RUNX1: variants seen among roughly 807,000 people sequenced by gnomAD.
RUNX1 encodes the protein runt-related transcription factor 1.
In RUNX1, 19 loss-of-function variants were observed where a neutral mutation model predicts 42.8. The observed-to-expected ratio is 0.44, with a 90% CI of 0.31 to 0.65. The LOEUF is 0.65. Among genes scored for constraint, RUNX1 ranks in the 30% least tolerant of loss-of-function variants. The pLI is 0.07. For synonymous variants in RUNX1, 271 were observed against 289.4 expected (o/e 0.94, Z 0.64); for missense variants, 528 against 672.0 (o/e 0.79, Z 2.37).
chr21:35,003,369 T>C (rs916822060), intron 2 of RUNX1, among the ~76,000 whole-genome samples: 2 of 152,018 alleles, frequency 1.3e-5, no homozygotes, highest in East Asian at 1.9e-4. Flanking sequence ...TGCATGTGAG[T>C]AACAAGGACG....
intron 2 of RUNX1, among the ~76,000 whole-genome samples, chr21:34,990,251 T>A (rs2058926650): frequency 6.6e-6 from 1 of 152,206 alleles, no homozygotes; most frequent in African/African-American, 2.4e-5. Flanking sequence ...GGAAGATTCT[T>A]TTTAAAACCA....
intron 3 of RUNX1, among the ~76,000 whole-genome samples, chr21:34,891,336 T>TCG (rs2146447927): frequency 6.6e-6 from 1 of 152,308 alleles, no homozygotes; most frequent in Admixed American, 6.5e-5. Flanking sequence ...CTCGATGGGA[T>TCG]CGCGGGACAT....
At chr21:34,826,158 A>G (rs980934713) in intron 7 of RUNX1, among the ~76,000 whole-genome samples, 3 of 152,242 alleles carry the variant, frequency 2.0e-5, no homozygotes, top group African/African-American at 7.2e-5. Context: ...GGAAACTTAG[A>G]TCCCACTGTG....
intron 2 of RUNX1, among the ~76,000 whole-genome samples, chr21:35,042,822 A>G (rs745610333): frequency 3.6e-4 from 55 of 152,220 alleles, no homozygotes; most frequent in Non-Finnish European, 6.6e-4. Context: ...GCAGCCAAAC[A>G]TAATTTTCAT....
intron 2 of RUNX1, among the ~76,000 whole-genome samples, chr21:35,005,534 C>T (rs1186035775): frequency 6.6e-6 from 1 of 152,156 alleles, no homozygotes; most frequent in East Asian, 1.9e-4. Context: ...GTTTTCCAGA[C>T]ATACTATATG....
At chr21:34,805,469 TAG>T (rs1222999328) in intron 7 of RUNX1, among the ~76,000 whole-genome samples, 3 of 152,150 alleles carry the variant, frequency 2.0e-5, no homozygotes, top group East Asian at 1.9e-4. Context: ...TGAAAGAAGC[TAG>T]AGAGGGGGAA....
intron 2 of RUNX1, among the ~76,000 whole-genome samples, chr21:34,903,239 T>C (rs2058191448): frequency 6.6e-6 from 1 of 152,192 alleles, no homozygotes; most frequent in African/African-American, 2.4e-5. Context: ...TTCAGCTCTT[T>C]GATTAATTCT....
chr21:34,995,781 G>A (rs61619144), intron 2 of RUNX1, among the ~76,000 whole-genome samples: 5,998 of 152,202 alleles, frequency 0.039, 381 homozygotes, highest in African/African-American at 0.14. Context: ...AGATACTGCA[G>A]TTTACTCATT....
intron 2 of RUNX1, among the ~76,000 whole-genome samples, chr21:34,983,250 T>C (rs543658397): frequency 2.0e-5 from 3 of 152,350 alleles, no homozygotes; most frequent in South Asian, 2.1e-4. Flanking sequence ...CGAATGGTGA[T>C]GTGAATCATA....
At position 35,022,895 on chromosome 21, in the gene RUNX1, G is replaced by GAATAATAATAATAATAATAATAAT. The variant is rs71196925; in HGVS notation, c.58+25923_58+25946dup. 6.3e-3 allele frequency among the ~76,000 whole-genome samples: 904 copies of GAATAATAATAATAATAATAATAAT among 144,262 alleles called. 3 individuals carry two copies. The highest frequency in any genetic ancestry group is 0.011 in the African/African-American group (415 of 39,224). 94.6% of individuals were successfully genotyped at this position (144,262 alleles called of 152,430 possible). The stretch of plus-strand genomic sequence containing the variant: ...GGGCAACATGAATGATACTCTGTTT[G>GAATAATAATAATAATAATAATAAT]AATAATAATAATAATAATAATAATA... On this transcript the variant is annotated intron_variant, in intron 2 of 8. Transcript: ENST00000675419.
At chr21:34,889,404 C>G (rs532720212) in intron 3 of RUNX1, among the ~76,000 whole-genome samples, 1 of 152,160 alleles carries the variant, frequency 6.6e-6, no homozygotes, top group African/African-American at 2.4e-5. Context: ...ACCGCTGCGC[C>G]CGGGCCGCGG....
intron 2 of RUNX1, among the ~76,000 whole-genome samples, chr21:35,035,055 T>C (rs1027102945): frequency 2.0e-5 from 3 of 152,192 alleles, no homozygotes; most frequent in African/African-American, 7.2e-5. Context: ...GGTTCACTTG[T>C]TAGATTTGGT....
At chr21:34,932,914 C>T (rs1417682915) in intron 2 of RUNX1, among the ~76,000 whole-genome samples, 1 of 152,200 alleles carries the variant, frequency 6.6e-6, no homozygotes, top group African/African-American at 2.4e-5. Context: ...CCAGTCTGTC[C>T]TACATTATAC....
chr21:34,859,713 T>C, intron 5 of RUNX1, 135 bp from the exon 6 acceptor site: 2 of 793,050 alleles, frequency 2.5e-6, no homozygotes, highest in South Asian at 2.8e-5. Flanking sequence ...CCCGGAATTT[T>C]GGCTTTGCTT....
At chr21:35,034,285 C>T (rs1178300098) in intron 2 of RUNX1, among the ~76,000 whole-genome samples, 3 of 152,344 alleles carry the variant, frequency 2.0e-5, no homozygotes, top group East Asian at 3.9e-4. Context: ...TCATGGCTGC[C>T]TTTTCTTCTC....
chr21:34,961,767 CA>C (rs1373658775), intron 2 of RUNX1, among the ~76,000 whole-genome samples: 7 of 152,138 alleles, frequency 4.6e-5, no homozygotes, highest in African/African-American at 1.4e-4. Context: ...GAGGGAGGAC[CA>C]GGCATATTTG....
chr21:34,941,106 C>G (rs2058523367), intron 2 of RUNX1, among the ~76,000 whole-genome samples: 1 of 152,186 alleles, frequency 6.6e-6, no homozygotes, highest in Non-Finnish European at 1.5e-5. Flanking sequence ...TAGCCTCAGT[C>G]ATCTGACCAG....
intron 2 of RUNX1, among the ~76,000 whole-genome samples, chr21:35,045,117 C>T (rs1368660765): frequency 6.6e-6 from 1 of 152,160 alleles, no homozygotes; most frequent in Non-Finnish European, 1.5e-5. Context: ...CAAAATTACT[C>T]GTCATTTTCT....
At chr21:34,953,978 C>T (rs1241335823) in intron 2 of RUNX1, among the ~76,000 whole-genome samples, 2 of 151,990 alleles carry the variant, frequency 1.3e-5, no homozygotes, top group African/African-American at 4.8e-5. Flanking sequence ...AAGTTGGTTG[C>T]AAAAAAATGG....
Sources: allele counts gnomAD v4.1 joint callset (sites outside exome capture counted in the v4.1 genomes callset), GRCh38; gene constraint gnomAD v4.1.1; transcripts MANE v1.5; gene names NCBI Gene and HGNC (gene_info 2026-07-23, HGNC 2026-07-21).